ME3: variants seen among roughly 807,000 people sequenced by gnomAD.
The protein encoded by ME3 is malic enzyme 3.
Under a neutral mutation model 68.9 loss-of-function variants are expected in ME3, and 48 were observed. The observed-to-expected ratio is 0.70, with a 90% CI of 0.55 to 0.89. ME3 has a LOEUF of 0.89. Among genes scored for constraint, ME3 ranks in the 40% least tolerant of loss-of-function variants. The pLI is 0.00. For missense variants in ME3, 675 were observed against 797.4 expected, an observed-to-expected ratio of 0.85 and a Z score of 1.85; for synonymous variants, 320 against 318.8, an observed-to-expected ratio of 1.00 and a Z score of -0.04.
intron 2 of ME3, among the ~76,000 whole-genome samples, chr11:86,642,037 G>A (rs1221415405): frequency 6.6e-6 from 1 of 152,118 alleles, no homozygotes; most frequent in Non-Finnish European, 1.5e-5. Flanking sequence ...AAAGAGAAAG[G>A]CAAGCTAAAA....
At chr11:86,534,024 C>T (rs556785572) in intron 4 of ME3, among the ~76,000 whole-genome samples, 1 of 151,514 alleles carries the variant, frequency 6.6e-6, no homozygotes, top group Non-Finnish European at 1.5e-5. Flanking sequence ...ATATTTGTTA[C>T]TATCTGAACA....
At chr11:86,618,778 C>T (rs558354918) in intron 2 of ME3, among the ~76,000 whole-genome samples, 10 of 150,054 alleles carry the variant, frequency 6.7e-5, no homozygotes, top group South Asian at 2.1e-4. Flanking sequence ...AGTGCAATGG[C>T]GTGATCTCGG....
At chr11:86,542,013 G>A (rs950530770) in intron 4 of ME3, among the ~76,000 whole-genome samples, 1 of 152,168 alleles carries the variant, frequency 6.6e-6, no homozygotes, top group South Asian at 2.1e-4. Flanking sequence ...AGGCAAACAG[G>A]GTCTGGAGTG....
At chr11:86,641,339 C>G (rs1038358546) in intron 2 of ME3, among the ~76,000 whole-genome samples, 1 of 152,184 alleles carries the variant, frequency 6.6e-6, no homozygotes, top group Non-Finnish European at 1.5e-5. Flanking sequence ...GCTAATGAAG[C>G]ACTTCCTCTC....
intron 2 of ME3, among the ~76,000 whole-genome samples, chr11:86,626,463 A>G (rs1279122096): frequency 6.6e-6 from 1 of 152,184 alleles, no homozygotes; most frequent in Middle Eastern, 3.4e-3. Flanking sequence ...AGACACCTTC[A>G]CCAGCCAGTT....
At chr11:86,577,836 G>C (rs578232721) in intron 2 of ME3, among the ~76,000 whole-genome samples, 12 of 152,246 alleles carry the variant, frequency 7.9e-5, no homozygotes, top group African/African-American at 2.9e-4. Flanking sequence ...AGACAGGCTG[G>C]TTTTATTATC....
intron 7 of ME3, among the ~76,000 whole-genome samples, chr11:86,485,152 T>C (rs546247182): frequency 3.3e-5 from 5 of 152,328 alleles, no homozygotes; most frequent in South Asian, 4.1e-4. Context: ...ATTCCACCAA[T>C]TGGTTCTTTT....
intron 8 of ME3, among the ~76,000 whole-genome samples, chr11:86,458,671 G>C (rs540127688): frequency 6.6e-6 from 1 of 152,256 alleles, no homozygotes; most frequent in South Asian, 2.1e-4. Context: ...AAAGAGACCA[G>C]GGGAAGTTTC....
rs1357465395 is a variant in ME3 at position 86,529,609 on chromosome 11, TA to T, written c.468-20743del. Reference sequence around the variant, plus strand: ...TGAACATCGATGCAAAATTCCTCAATAAAATACTGGCAAACTGAATCCAGCA... The same window carrying T: ...TGAACATCGATGCAAAATTCCTCAATAAATACTGGCAAACTGAATCCAGCA... On this transcript the variant is annotated intron_variant, in intron 4 of 14. Coordinates refer to ENST00000543262, the Ensembl canonical transcript of ME3. Among the ~76,000 whole-genome samples the T allele has an allele frequency of 2.6e-5, 4 of 152,160 alleles. No individual in the cohort carries two copies. In the East Asian group the frequency reaches 7.7e-4, roughly 29 times the overall value.
At chr11:86,590,877 G>C (rs1201755341) in intron 2 of ME3, among the ~76,000 whole-genome samples, 3 of 152,230 alleles carry the variant, frequency 2.0e-5, no homozygotes, top group Non-Finnish European at 4.4e-5. Context: ...CTATGAGGCA[G>C]TAATAAGGCT....
intron 2 of ME3, among the ~76,000 whole-genome samples, chr11:86,671,436 G>C (rs984830354): frequency 2.0e-5 from 3 of 152,190 alleles, no homozygotes; most frequent in African/African-American, 2.4e-5. Context: ...TAGGTTAAAT[G>C]AACTGCCCAA....
At chr11:86,643,638 C>G (rs1944811942) in intron 2 of ME3, among the ~76,000 whole-genome samples, 1 of 152,166 alleles carries the variant, frequency 6.6e-6, no homozygotes. Flanking sequence ...GAATGCAAAA[C>G]TTGGACAAAT....
rs913764711 is a variant in ME3, at chr11:86,603,452, A to G, written c.184-43629T>C. On this transcript the variant is annotated intron_variant, in intron 2 of 14. Transcript: ENST00000543262. ...ATCATTAAAAAGTCAGGAAACAACA[A>G]GTGCTGGAGAGGATGTGGAGAAATA... Among the ~76,000 whole-genome samples, 509 of 152,248 alleles carry G rather than the reference A, an allele frequency of 3.3e-3. 4 individuals carry two copies. The highest frequency in any genetic ancestry group is 0.012 in the African/African-American group (481 of 41,562).
intron 8 of ME3, chr11:86,462,566 A>C (rs1376673379): frequency 7.8e-7 from 1 of 1,280,216 alleles, no homozygotes; most frequent in African/African-American, 1.5e-5. Flanking sequence ...ACATACTCAC[A>C]TGAACAGGTG....
intron 13 of ME3, among the ~76,000 whole-genome samples, chr11:86,445,041 A>G (rs1044422483): frequency 1.3e-5 from 2 of 152,212 alleles, no homozygotes; most frequent in Admixed American, 1.3e-4. Flanking sequence ...ATGGTATTAT[A>G]TAGGCAGGAC....
chr11:86,602,902 G>C (rs934228782), intron 2 of ME3, among the ~76,000 whole-genome samples: 1 of 152,172 alleles, frequency 6.6e-6, no homozygotes, highest in Non-Finnish European at 1.5e-5. Context: ...GCCATATGTA[G>C]AAAGCTGAAA....
At chr11:86,618,845 G>A (rs1243067288) in intron 2 of ME3, among the ~76,000 whole-genome samples, 1 of 152,034 alleles carries the variant, frequency 6.6e-6, no homozygotes, top group East Asian at 1.9e-4. Flanking sequence ...CCGAGTAGCT[G>A]GGATTACAGG....
intron 13 of ME3, among the ~76,000 whole-genome samples, chr11:86,445,111 A>C (rs1401616931): frequency 6.6e-6 from 1 of 152,210 alleles, no homozygotes; most frequent in Non-Finnish European, 1.5e-5. Context: ...TTCAAGCAGA[A>C]AGTGACTCTT....
At chr11:86,603,061 C>T (rs1339804262) in intron 2 of ME3, among the ~76,000 whole-genome samples, 1 of 152,160 alleles carries the variant, frequency 6.6e-6, no homozygotes, top group African/African-American at 2.4e-5. Flanking sequence ...GTCTAAAACA[C>T]CAAAAGCAAT....
Sources: gnomAD v4.1 joint callset for allele counts (sites outside exome capture counted in the v4.1 genomes callset) on GRCh38, gnomAD v4.1.1 for gene constraint, MANE v1.5 for transcripts, NCBI Gene and HGNC (gene_info 2026-07-23, HGNC 2026-07-21) for gene names.